The following LARP1 variants were observed in gnomAD, a reference collection of about 807,000 sequenced individuals.
LARP1 encodes La ribonucleoprotein 1, translational regulator.
LARP1 carries 36 observed loss-of-function variants against 122.7 expected under a neutral mutation model. The observed-to-expected ratio is 0.29, with a 90% confidence interval of 0.22 to 0.39. LARP1 has a LOEUF of 0.39. LARP1 is among the 10% of genes least tolerant of loss of function. LARP1 has a pLI of 1.00. For missense variants in LARP1, 1,040 were observed against 1,403.6 expected, an observed-to-expected ratio of 0.74 and a Z score of 4.14; for synonymous variants, 539 against 528.7, an observed-to-expected ratio of 1.02 and a Z score of -0.27.
chr5:154,705,692 T>C (rs1754916016), intron 1 of LARP1: 1 of 152,096 alleles, frequency 6.6e-6, no homozygotes, highest in Admixed American at 6.6e-5. Context: ...TGTTCTACTC[T>C]TTCCCCCTTC....
intron 8 of LARP1, among the ~76,000 whole-genome samples, chr5:154,799,189 GT>G (rs748013537): frequency 1.4e-4 from 21 of 152,200 alleles, no homozygotes; most frequent in Non-Finnish European, 2.4e-4. Flanking sequence ...TCTGAGTAGT[GT>G]TCCATCATGC....
intron 14 of LARP1, chr5:154,804,909 T>G: frequency 2.2e-6 from 1 of 456,266 alleles, no homozygotes; most frequent in Middle Eastern, 3.3e-4. Context: ...AATATACAAT[T>G]GATCTTTGAA....
intron 1 of LARP1, among the ~76,000 whole-genome samples, chr5:154,714,503 C>T (rs748828191): frequency 6.6e-6 from 1 of 152,176 alleles, no homozygotes; most frequent in Non-Finnish European, 1.5e-5. Flanking sequence ...CCATTGGAAG[C>T]AGCAGGATAA....
rs1336433190 is a variant in LARP1, at chr5:154,808,149, A to ATGCCTTG, written c.2699-308_2699-302dup. 2.0e-5 allele frequency among the ~76,000 whole-genome samples: 3 copies of ATGCCTTG among 152,220 alleles called. No homozygotes were observed. In the East Asian group the frequency reaches 5.8e-4, roughly 29 times the overall value. On this transcript the variant is annotated intron_variant, in intron 15 of 18. Transcript: ENST00000518297. ...GTTAGAATTTACAAACAATTTGTTC[A>ATGCCTTG]TGCCTTGTCTTGTCTCGACGGCACT... is the stretch of plus-strand genomic sequence containing the variant.
chr5:154,752,223 T>G (rs1753538355), upstream of LARP1, among the ~76,000 whole-genome samples: 1 of 152,148 alleles, frequency 6.6e-6, no homozygotes, highest in African/African-American at 2.4e-5. Flanking sequence ...GGAACTTTAC[T>G]TTTCTTTTTC....
chr5:154,719,421 CCTT>C (rs1755717716), intron 1 of LARP1, among the ~76,000 whole-genome samples: 1 of 152,254 alleles, frequency 6.6e-6, no homozygotes, highest in Admixed American at 6.5e-5. Flanking sequence ...CCTATGGGCT[CCTT>C]CTCAGAATAT....
intron 1 of LARP1, among the ~76,000 whole-genome samples, chr5:154,692,471 A>G (rs1011479104): frequency 3.9e-5 from 6 of 151,970 alleles, no homozygotes; most frequent in African/African-American, 1.5e-4. Context: ...ACATTTGGCT[A>G]CCACCTCCTA....
chr5:154,743,978 A>G (rs1190407795), intron 1 of LARP1, among the ~76,000 whole-genome samples: 1 of 152,214 alleles, frequency 6.6e-6, no homozygotes, highest in Non-Finnish European at 1.5e-5. Flanking sequence ...TGCCTTGCAC[A>G]GTGCTGAGTC....
At chr5:154,806,321 C>T (rs936998416) in intron 15 of LARP1, among the ~76,000 whole-genome samples, 2 of 152,166 alleles carry the variant, frequency 1.3e-5, no homozygotes, top group Non-Finnish European at 2.9e-5. Context: ...ATTACTGACT[C>T]AGCCATTGTC....
At chr5:154,699,620 T>C (rs1754626250) in intron 1 of LARP1, among the ~76,000 whole-genome samples, 1 of 152,156 alleles carries the variant, frequency 6.6e-6, no homozygotes, top group Non-Finnish European at 1.5e-5. Context: ...AAATTGAACA[T>C]GTACATTATC....
chr5:154,702,186 C>T lies in LARP1; in HGVS notation c.-180+19149C>T, dbSNP rs1754751927. ...GTCACTTAGATGGTTCATTCCCTCT[C>T]ACCTGCATTCTGGCCAGGTTGGCCC... On this transcript the variant is annotated intron_variant, in intron 1 of 18. Transcript: ENST00000687700. 3.3e-5 allele frequency among the ~76,000 whole-genome samples: 5 copies of T among 152,192 alleles called. No homozygotes were observed. The South Asian group carries it at 8.3e-4, about 25-fold the overall frequency.
chr5:154,692,368 G>A (rs900484990), intron 1 of LARP1, among the ~76,000 whole-genome samples: 1 of 152,158 alleles, frequency 6.6e-6, no homozygotes, highest in African/African-American at 2.4e-5. Flanking sequence ...CACACATTCC[G>A]CAGGACAGGC....
intron 8 of LARP1, among the ~76,000 whole-genome samples, chr5:154,798,811 T>C (rs1161701882): frequency 1.3e-5 from 2 of 152,200 alleles, no homozygotes; most frequent in Non-Finnish European, 2.9e-5. Flanking sequence ...TTGATTAATA[T>C]TTTGTGGGTT....
intron 1 of LARP1, among the ~76,000 whole-genome samples, chr5:154,735,541 T>TTTTTTA (rs1756833220): frequency 9.2e-6 from 1 of 108,536 alleles, no homozygotes; most frequent in African/African-American, 3.2e-5. Flanking sequence ...ATTTTTATTT[T>TTTTTTA]TATTTTTATT....
chr5:154,770,319 C>T (rs1230010021), intron 1 of LARP1, among the ~76,000 whole-genome samples: 1 of 151,916 alleles, frequency 6.6e-6, no homozygotes, highest in Non-Finnish European at 1.5e-5. Context: ...CGTATTTCCT[C>T]CTCACTTCTC....
chr5:154,786,844 G>T (rs926865691), intron 1 of LARP1, among the ~76,000 whole-genome samples: 1 of 151,776 alleles, frequency 6.6e-6, no homozygotes, highest in African/African-American at 2.4e-5. Flanking sequence ...AAGTTGAGTG[G>T]ATTAGAACTA....
At chr5:154,711,764 G>A (rs1755235836), upstream of LARP1, among the ~76,000 whole-genome samples, 1 of 152,200 alleles carries the variant, frequency 6.6e-6, no homozygotes, top group Admixed American at 6.5e-5. Context: ...ATATTGTAGT[G>A]ACAGCAGCTT....
Position 154,790,700 on chromosome 5 carries a change from A to G in LARP1, c.554A>G (p.Lys185Arg). The G allele has an allele frequency of 1.2e-6, 2 of 1,614,210 alleles. No homozygotes were observed. Among genetic ancestry groups the G allele is most frequent in the Admixed American group, 1.7e-5 (1 of 60,028 alleles). ...NWPTPGEIAH[K>R]SVQPQSHKPQ... ...CCCACACCTGGAGAGATAGCCCACA[A>G]GAGTGTTCAGGTGAGTCTGTGTGGA... The change falls in exon 3 of 19, where the codon AAG (lysine) becomes AGG (arginine). Residue 185 changes from lysine (K) to arginine (R), a missense_variant. Coordinates refer to ENST00000518297, the MANE Select transcript of LARP1 (RefSeq NM_033551.3).
At chr5:154,805,003 A>C (rs116586220) in intron 14 of LARP1, 5 of 438,918 alleles carry the variant, frequency 1.1e-5, no homozygotes, top group Admixed American at 4.9e-5. Context: ...ACTGTTAACC[A>C]GAAGCCTTAC....
Sources: allele counts gnomAD v4.1 joint callset (sites outside exome capture counted in the v4.1 genomes callset), GRCh38; gene constraint gnomAD v4.1.1; transcripts MANE v1.5; gene names NCBI Gene and HGNC (gene_info 2026-07-23, HGNC 2026-07-21).